Variants in TUSC3 observed in about 807,000 individuals in gnomAD.
TUSC3 encodes the protein tumor suppressor candidate 3.
TUSC3 carries 45 observed loss-of-function variants against 44.8 expected under a neutral mutation model. That is an observed-to-expected ratio of 1.00 (90% CI 0.79 to 1.29). The LOEUF is 1.29. TUSC3 is among the 50% of genes most tolerant of loss of function. The pLI is 0.00. For missense variants in TUSC3, 519 were observed against 437.9 expected, an observed-to-expected ratio of 1.19 and a Z score of -1.65; for synonymous variants, 212 against 152.9, an observed-to-expected ratio of 1.39 and a Z score of -2.85.
Position 15,696,382 on chromosome 8 carries a change from A to G in TUSC3, c.798+22546A>G, listed in dbSNP as rs150502559. On this transcript the variant is annotated intron_variant, in intron 6 of 10. Coordinates refer to ENST00000503731, the MANE Select transcript of TUSC3 (RefSeq NM_006765.4). ...AGAATTGAGGTTTGGGAACCTCTGT[A>G]TAGATTTCAGAGGATGTATGGAAAC... Among the ~76,000 whole-genome samples the G allele has an allele frequency of 5.1e-3, 771 of 152,250 alleles. 7 individuals are homozygous for G. Among genetic ancestry groups the G allele is most frequent in the African/African-American group, 0.018 (752 of 41,550 alleles).
intron 1 of TUSC3, among the ~76,000 whole-genome samples, chr8:15,423,991 T>TG (rs1799774364): frequency 2.2e-5 from 3 of 133,516 alleles, no homozygotes; most frequent in Admixed American, 8.0e-5. Context: ...TTTTTTTTTT[T>TG]TTTTTTTTTT....
In TUSC3 at chr8:15,765,896, T is replaced by A. The variant is rs1333867528; in HGVS notation, c.*1740T>A. The A allele has an allele frequency of 6.6e-6, 1 of 152,078 alleles. No individual in the cohort carries two copies. Among genetic ancestry groups the A allele is most frequent in the Non-Finnish European group, 1.5e-5 (1 of 67,948 alleles). The allele number at this position is 152,078 out of a possible 1,614,324, so 9.4% of individuals were successfully genotyped here. On this transcript the variant is annotated 3_prime_UTR_variant, in exon 11 of 11. Coordinates refer to ENST00000503731, the MANE Select transcript of TUSC3 (RefSeq NM_006765.4). ...GTCAAATTTTACAAGTATTAAACAT[T>A]TGTTAATTATAATCACTTTTGTTTG...
intron 1 of TUSC3, among the ~76,000 whole-genome samples, chr8:15,617,113 C>G (rs966544026): frequency 2.6e-4 from 16 of 60,582 alleles, no homozygotes; most frequent in Non-Finnish European, 4.9e-4. Context: ...CTGTATCTAT[C>G]TGTAAAATGT....
At chr8:15,481,002 C>T (rs747308067) in intron 1 of TUSC3, among the ~76,000 whole-genome samples, 1 of 152,102 alleles carries the variant, frequency 6.6e-6, no homozygotes, top group Non-Finnish European at 1.5e-5. Context: ...AATTCCAGCA[C>T]TTTGGGAGGC....
intron 1 of TUSC3, among the ~76,000 whole-genome samples, chr8:15,469,929 T>A (rs1800463114): frequency 6.6e-6 from 1 of 152,072 alleles, no homozygotes; most frequent in Non-Finnish European, 1.5e-5. Context: ...CTATATGACA[T>A]TCTAGAAAAG....
the TUSC3 span, among the ~76,000 whole-genome samples, chr8:15,803,446 A>T: frequency 5.3e-5 from 8 of 151,378 alleles, no homozygotes; most frequent in African/African-American, 2.0e-4. Flanking sequence ...AGGTCACATT[A>T]AGCAAGAACT....
intron 1 of TUSC3, among the ~76,000 whole-genome samples, chr8:15,573,158 T>TTCTC (rs68104374): frequency 0.13 from 14,311 of 107,110 alleles, 1,014 homozygotes; most frequent in Non-Finnish European, 0.16. Flanking sequence ...CAGTATAGTG[T>TTCTC]TCTCTCTCTT....
chr8:15,467,902 C>G (rs1206708784), intron 1 of TUSC3, among the ~76,000 whole-genome samples: 1 of 152,080 alleles, frequency 6.6e-6, no homozygotes, highest in Admixed American at 6.6e-5. Context: ...ATATAACTCT[C>G]CCATAAAATA....
chr8:15,796,680 G>A, the TUSC3 span, among the ~76,000 whole-genome samples: 4 of 152,180 alleles, frequency 2.6e-5, no homozygotes, highest in Non-Finnish European at 4.4e-5. Context: ...CTTAGCCTCA[G>A]GTGACAGAAA....
At chr8:15,540,184 T>G (rs980224731), upstream of TUSC3, 2 of 473,266 alleles carry the variant, frequency 4.2e-6, no homozygotes, top group Admixed American at 4.5e-5. Context: ...CCCCGAAGCC[T>G]GGCTCCCTCG....
At chr8:15,568,868 A>G (rs1390548410) in intron 1 of TUSC3, among the ~76,000 whole-genome samples, 1 of 152,002 alleles carries the variant, frequency 6.6e-6, no homozygotes, top group Non-Finnish European at 1.5e-5. Flanking sequence ...TGGAGATTAC[A>G]TTATCATTTA....
At chr8:15,715,708 A>T (rs547508698) in intron 6 of TUSC3, among the ~76,000 whole-genome samples, 4 of 152,106 alleles carry the variant, frequency 2.6e-5, no homozygotes, top group Non-Finnish European at 4.4e-5. Flanking sequence ...AGAAAAAAAA[A>T]AATTATTTCA....
At chr8:15,820,307 ATTCTT>A in the TUSC3 span, among the ~76,000 whole-genome samples, 6 of 130,696 alleles carry the variant, frequency 4.6e-5, no homozygotes, top group African/African-American at 1.8e-4. Context: ...TTGATCTGTA[ATTCTT>A]TTTTTTTTTT....
At chr8:15,809,496 C>T in the TUSC3 span, among the ~76,000 whole-genome samples, 217 of 150,326 alleles carry the variant, frequency 1.4e-3, no homozygotes, top group African/African-American at 5.1e-3. Context: ...CAAGACCCCC[C>T]CTGTAGATGC....
intron 2 of TUSC3, among the ~76,000 whole-genome samples, chr8:15,633,844 C>T (rs1354035405): frequency 3.3e-5 from 5 of 152,080 alleles, no homozygotes; most frequent in Admixed American, 6.5e-5. Context: ...TTGTTTAAGC[C>T]ATCCAGTTTG....
At chr8:15,811,174 T>G in the TUSC3 span, among the ~76,000 whole-genome samples, 1 of 152,184 alleles carries the variant, frequency 6.6e-6, no homozygotes. Flanking sequence ...TTAATTCTAT[T>G]GATTAGGGTA....
the TUSC3 span, among the ~76,000 whole-genome samples, chr8:15,833,806 T>C: frequency 6.6e-6 from 1 of 150,808 alleles, no homozygotes; most frequent in Non-Finnish European, 1.5e-5. Flanking sequence ...TTTACCTATA[T>C]AACAAACATG....
At chr8:15,491,441 T>A (rs1176478977) in intron 2 of TUSC3, among the ~76,000 whole-genome samples, 2 of 152,152 alleles carry the variant, frequency 1.3e-5, no homozygotes, top group African/African-American at 4.8e-5. Context: ...ATCCCAATTT[T>A]TTTTTTTCCT....
intron 2 of TUSC3, among the ~76,000 whole-genome samples, chr8:15,515,536 A>T (rs1267553436): frequency 6.6e-6 from 1 of 152,166 alleles, no homozygotes; most frequent in Non-Finnish European, 1.5e-5. Flanking sequence ...ATAGGTATAG[A>T]TTAGAAACCA....
Sources: gnomAD v4.1 joint callset for allele counts (sites outside exome capture counted in the v4.1 genomes callset) on GRCh38, gnomAD v4.1.1 for gene constraint, MANE v1.5 for transcripts, NCBI Gene and HGNC (gene_info 2026-07-23, HGNC 2026-07-21) for gene names.